The following PHACTR3 variants were observed in gnomAD, a reference collection of about 807,000 sequenced individuals.
The protein encoded by PHACTR3 is phosphatase and actin regulator 3, also known as protein phosphatase 1, regulatory subunit 123.
A neutral mutation model predicts 66.8 loss-of-function variants in PHACTR3; 16 were observed. That is an observed-to-expected ratio of 0.24 (90% CI 0.16 to 0.36). The LOEUF (loss-of-function observed/expected upper bound fraction) is 0.36. Among genes scored for constraint, PHACTR3 ranks in the 10% least tolerant of loss-of-function variants. The pLI, the probability that PHACTR3 is intolerant of heterozygous loss-of-function variation, is 1.00. For missense variants in PHACTR3, 647 were observed against 719.9 expected (o/e 0.90, Z 1.16); for synonymous variants, 323 against 292.1 (o/e 1.11, Z -1.08).
At chr20:59,623,554 G>A (rs779090536) in intron 1 of PHACTR3, among the ~76,000 whole-genome samples, 1 of 152,116 alleles carries the variant, frequency 6.6e-6, no homozygotes, top group Non-Finnish European at 1.5e-5. Context: ...TTTCTTCTTC[G>A]TTTGTTTGTA....
At chr20:59,668,409 C>T (rs1385034054) in intron 1 of PHACTR3, among the ~76,000 whole-genome samples, 3 of 152,174 alleles carry the variant, frequency 2.0e-5, no homozygotes, top group Non-Finnish European at 4.4e-5. Context: ...TACACCTGTA[C>T]ATAGGCTCCA....
At chr20:59,793,350 C>T (rs2041160124) in intron 7 of PHACTR3, among the ~76,000 whole-genome samples, 1 of 152,158 alleles carries the variant, frequency 6.6e-6, no homozygotes, top group Non-Finnish European at 1.5e-5. Context: ...ATAAAGATTG[C>T]ATTGAATCTG....
chr20:59,814,913 C>T (rs146247435), intron 8 of PHACTR3, among the ~76,000 whole-genome samples: 513 of 152,106 alleles, frequency 3.4e-3, no homozygotes, highest in African/African-American at 9.9e-3. Context: ...TTGGGTACAT[C>T]AAGGGTAAAG....
chr20:59,761,361 G>C (rs2039988406), intron 4 of PHACTR3, among the ~76,000 whole-genome samples: 1 of 152,108 alleles, frequency 6.6e-6, no homozygotes, highest in Admixed American at 6.5e-5. Context: ...ACCTCATCTG[G>C]GAGTTGGTGA....
chr20:59,683,654 G>C (rs1237796646), intron 1 of PHACTR3, among the ~76,000 whole-genome samples: 1 of 152,184 alleles, frequency 6.6e-6, no homozygotes, highest in East Asian at 1.9e-4. Context: ...TAAGGATTTT[G>C]AGCCAGAGGG....
chr20:59,689,564 G>C (rs6027042), intron 1 of PHACTR3, among the ~76,000 whole-genome samples: 13 of 152,298 alleles, frequency 8.5e-5, no homozygotes, highest in Non-Finnish European at 1.9e-4. Flanking sequence ...TTGGATACTA[G>C]GATGTTGTGT....
At chr20:59,807,184 T>C (rs1452024379) in intron 8 of PHACTR3, among the ~76,000 whole-genome samples, 2 of 152,246 alleles carry the variant, frequency 1.3e-5, no homozygotes, top group African/African-American at 4.8e-5. Flanking sequence ...CGGACTCTTA[T>C]AATAACACTT....
intron 1 of PHACTR3, among the ~76,000 whole-genome samples, chr20:59,584,823 AT>A: frequency 6.6e-6 from 1 of 152,200 alleles, no homozygotes; most frequent in Admixed American, 6.5e-5. Context: ...CTCACCCCCT[AT>A]TCCGGGGGGA....
At chr20:59,807,432 A>G (rs2041603074) in intron 8 of PHACTR3, among the ~76,000 whole-genome samples, 1 of 152,242 alleles carries the variant, frequency 6.6e-6, no homozygotes, top group South Asian at 2.1e-4. Flanking sequence ...TAGAGCTGTC[A>G]TCTCCTATGA....
At chr20:59,590,751 A>G (rs917685369) in intron 1 of PHACTR3, among the ~76,000 whole-genome samples, 1 of 152,198 alleles carries the variant, frequency 6.6e-6, no homozygotes, top group Non-Finnish European at 1.5e-5. Flanking sequence ...TGCGAAGTCC[A>G]AGATCAAGGG....
rs181152700 is a variant in PHACTR3 at position 59,796,893 on chromosome 20, C to G, written c.1175-9148C>G. Among the ~76,000 whole-genome samples the G allele has an allele frequency of 1.4e-3, 207 of 152,328 alleles. 1 individual carries two copies. Among genetic ancestry groups the G allele is most frequent in the Admixed American group, 0.012 (188 of 15,304 alleles). ...TTCATGGATCTGGATGTCCATCTCT[C>G]TGCCAACACATGGGAATTTTTCACC... is the stretch of plus-strand genomic sequence containing the variant. On this transcript the variant is annotated intron_variant, in intron 7 of 12. Transcript: ENST00000371015.
At chr20:59,687,658 C>T (rs62203947) in intron 1 of PHACTR3, among the ~76,000 whole-genome samples, 18,569 of 152,106 alleles carry the variant, frequency 0.12, 1,206 homozygotes, top group South Asian at 0.22. Context: ...CAATCTGTTG[C>T]AAACTGATAA....
chr20:59,830,505 A>G lies in PHACTR3; in HGVS notation c.1329-6000A>G, dbSNP rs920089649. On this transcript the variant is annotated intron_variant, in intron 8 of 12. Transcript: ENST00000371015. This position sits in a 1 kb window ranked among gnomAD's most constrained non-coding sequence, Gnocchi z 5.8. Reference sequence around the variant, plus strand: ...TGAGCAGATGTTGAAAGAGGGTGTGAGCATCCGTCTGATGGAGGAGGCTGT... The same window carrying G: ...TGAGCAGATGTTGAAAGAGGGTGTGGGCATCCGTCTGATGGAGGAGGCTGT... Among the ~76,000 whole-genome samples, 1 of 151,978 alleles carries G rather than the reference A, an allele frequency of 6.6e-6. No individual in the cohort carries two copies. The highest frequency in any genetic ancestry group is 1.5e-5 in the Non-Finnish European group (1 of 67,984).
At chr20:59,697,874 A>G (rs1482628030) in intron 1 of PHACTR3, among the ~76,000 whole-genome samples, 3 of 152,206 alleles carry the variant, frequency 2.0e-5, no homozygotes, top group Non-Finnish European at 4.4e-5. Context: ...CTCATTGACA[A>G]TATCAAGTGT....
At chr20:59,744,990 G>GCA (rs981593289) in intron 2 of PHACTR3, among the ~76,000 whole-genome samples, 9 of 152,194 alleles carry the variant, frequency 5.9e-5, no homozygotes, top group East Asian at 1.9e-4. Context: ...AGGGCCCCTT[G>GCA]CACACACACG....
At chr20:59,732,185 A>G (rs1175915290) in intron 1 of PHACTR3, among the ~76,000 whole-genome samples, 1 of 152,198 alleles carries the variant, frequency 6.6e-6, no homozygotes, top group African/African-American at 2.4e-5. Context: ...TCCTCTCAGC[A>G]TCTCCCTATG....
chr20:59,803,158 A>G (rs1181266748), intron 7 of PHACTR3, among the ~76,000 whole-genome samples: 3 of 152,184 alleles, frequency 2.0e-5, no homozygotes, highest in Non-Finnish European at 4.4e-5. Flanking sequence ...CTTCACTACA[A>G]ATGCAGACTG....
At chr20:59,603,268 C>T (rs933158509), upstream of PHACTR3, among the ~76,000 whole-genome samples, 11 of 152,122 alleles carry the variant, frequency 7.2e-5, no homozygotes, top group South Asian at 4.2e-4. Context: ...GGAGTTGGGG[C>T]GTCTCTGTGT....
chr20:59,650,699 GC>G (rs2035431138), intron 1 of PHACTR3, among the ~76,000 whole-genome samples: 1 of 140,802 alleles, frequency 7.1e-6, no homozygotes, highest in Non-Finnish European at 1.5e-5. Flanking sequence ...TTTGTAAGTG[GC>G]AAGAGAATTA....
Sources: allele counts gnomAD v4.1 joint callset (sites outside exome capture counted in the v4.1 genomes callset), GRCh38; gene constraint gnomAD v4.1.1; non-coding constraint Gnocchi (gnomAD v3.1); transcripts MANE v1.5; gene names NCBI Gene and HGNC (gene_info 2026-07-23, HGNC 2026-07-21).